Variants in HORMAD2 observed in about 807,000 individuals in gnomAD.
HORMAD2 encodes HORMA domain containing 2.
Under a neutral mutation model 38.8 loss-of-function variants are expected in HORMAD2, and 45 were observed. That is an observed-to-expected ratio of 1.16 (90% CI 0.91 to 1.49). The LOEUF (loss-of-function observed/expected upper bound fraction) is 1.49, where lower values mean the gene tolerates loss of function less well. HORMAD2 is among the 40% of genes most tolerant of loss of function. The probability of loss-of-function intolerance (pLI) is 0.00; values close to 1 mark genes in which losing one functional copy is unlikely to be tolerated. For synonymous variants in HORMAD2, 126 were observed against 122.8 expected (o/e 1.03, Z -0.17); for missense variants, 338 against 367.0 (o/e 0.92, Z 0.65).
At chr22:30,177,414 C>T (rs746852567), downstream of HORMAD2, among the ~76,000 whole-genome samples, 41 of 152,168 alleles carry the variant, frequency 2.7e-4, no homozygotes, top group Non-Finnish European at 4.1e-4. Flanking sequence ...GGGCAGCCTA[C>T]CAAACTGGGG....
chr22:30,164,883 T>C (rs1288394151), intron 10 of HORMAD2, among the ~76,000 whole-genome samples: 1 of 152,218 alleles, frequency 6.6e-6, no homozygotes, highest in Non-Finnish European at 1.5e-5. Flanking sequence ...TTTGCAAATA[T>C]TTTCTCTCAT....
intron 5 of HORMAD2, chr22:30,105,072 A>G: frequency 6.3e-6 from 1 of 157,900 alleles, no homozygotes; most frequent in Non-Finnish European, 1.4e-5. Context: ...TTATGAACAG[A>G]GGGCAGGGCA....
intron 10 of HORMAD2, chr22:30,137,021 A>G (rs1473300823): frequency 4.6e-6 from 2 of 436,432 alleles, no homozygotes; most frequent in Non-Finnish European, 8.3e-6. Flanking sequence ...TCCATGTGTA[A>G]TTGTTGCATT....
chr22:30,099,290 GCTACGTTGTGC>G lies in HORMAD2; in HGVS notation c.193+300_193+310del, dbSNP rs778497598. On this transcript the variant is annotated intron_variant, in intron 3 of 10. Transcript: ENST00000336726. ...ATCTATTTGAATGCTGTAGATTTGCGCTACGTTGTGCCTCAATTGAATTTATTCTTTAAGGT... is the reference window on the plus strand; with the variant it reads ...ATCTATTTGAATGCTGTAGATTTGCGCTCAATTGAATTTATTCTTTAAGGT... 2.9e-4 allele frequency among the ~76,000 whole-genome samples: 44 copies of G among 152,314 alleles called. 1 individual carries two copies. The Middle Eastern group carries it at 0.02, about 71-fold the overall frequency.
At position 30,153,613 on chromosome 22, in the gene HORMAD2, A is replaced by G. The variant is rs541227854; in HGVS notation, c.820-22450A>G. Reference sequence around the variant, plus strand: ...TATCCATTTTGCAAGAGAATTGTCTATGCTTCCTGTGTCCAATTCCCTGCT... The same window carrying G: ...TATCCATTTTGCAAGAGAATTGTCTGTGCTTCCTGTGTCCAATTCCCTGCT... On this transcript the variant is annotated intron_variant, in intron 10 of 10. Coordinates refer to ENST00000336726, the MANE Select transcript of HORMAD2 (RefSeq NM_152510.4). Among the ~76,000 whole-genome samples, 12 of 152,216 alleles carry G rather than the reference A, an allele frequency of 7.9e-5. 1 individual carries two copies. In the South Asian group the frequency reaches 8.3e-4, roughly 11 times the overall value.
chr22:30,163,492 T>G (rs1925582077), intron 10 of HORMAD2, among the ~76,000 whole-genome samples: 1 of 152,244 alleles, frequency 6.6e-6, no homozygotes, highest in African/African-American at 2.4e-5. Flanking sequence ...TGGCACAATC[T>G]TGGCTCACCT....
intron 10 of HORMAD2, among the ~76,000 whole-genome samples, chr22:30,134,253 G>A (rs1418070598): frequency 6.6e-6 from 1 of 151,664 alleles, no homozygotes; most frequent in East Asian, 1.9e-4. Flanking sequence ...CAAAAAATTA[G>A]CCAGGCATTG....
chr22:30,153,889 T>C (rs1449941076), intron 10 of HORMAD2, among the ~76,000 whole-genome samples: 1 of 152,202 alleles, frequency 6.6e-6, no homozygotes, highest in African/African-American at 2.4e-5. Flanking sequence ...ATCTGGCCAC[T>C]TCTCACTATC....
At chr22:30,184,582 T>A in the HORMAD2 span, 2 of 152,152 alleles carry the variant, frequency 1.3e-5, no homozygotes, top group African/African-American at 4.8e-5. Context: ...AAGAAAATAG[T>A]TGTCCTCAGT....
At chr22:30,174,407 T>G (rs1408078208) in intron 10 of HORMAD2, among the ~76,000 whole-genome samples, 1 of 152,162 alleles carries the variant, frequency 6.6e-6, no homozygotes, top group Non-Finnish European at 1.5e-5. Flanking sequence ...TATATGTTAT[T>G]TGTCTATGTT....
chr22:30,123,037 C>T (rs1026069981), intron 10 of HORMAD2, among the ~76,000 whole-genome samples: 2 of 152,192 alleles, frequency 1.3e-5, no homozygotes, highest in African/African-American at 4.8e-5. Context: ...AGATAGGTGA[C>T]TGTACTAGGT....
At chr22:30,120,083 A>G (rs546083628) in intron 8 of HORMAD2, among the ~76,000 whole-genome samples, 1 of 152,362 alleles carries the variant, frequency 6.6e-6, no homozygotes, top group Admixed American at 6.5e-5. Context: ...TGATGGCCAG[A>G]TTAAACTCTT....
At chr22:30,174,627 G>C (rs772131171) in intron 10 of HORMAD2, among the ~76,000 whole-genome samples, 1 of 152,104 alleles carries the variant, frequency 6.6e-6, no homozygotes, top group African/African-American at 2.4e-5. Flanking sequence ...TAAACCATCA[G>C]GTCAACTGGT....
At chr22:30,162,105 C>T (rs925064894) in intron 10 of HORMAD2, among the ~76,000 whole-genome samples, 5 of 152,040 alleles carry the variant, frequency 3.3e-5, no homozygotes, top group Non-Finnish European at 5.9e-5. Flanking sequence ...TTTAGCCCAG[C>T]AGTTTGAGAC....
At chr22:30,145,573 G>A (rs1924363313) in intron 10 of HORMAD2, among the ~76,000 whole-genome samples, 1 of 152,088 alleles carries the variant, frequency 6.6e-6, no homozygotes, top group African/African-American at 2.4e-5. Flanking sequence ...CACTGGATGG[G>A]TTTAACAGCA....
At chr22:30,093,863 G>A (rs2146074681) in intron 1 of HORMAD2, 53 bp from the exon 2 acceptor site, 1 of 862,258 alleles carries the variant, frequency 1.2e-6, no homozygotes, top group South Asian at 1.8e-5. Context: ...CAGAGTAAGA[G>A]AGGAAGCATT....
intron 10 of HORMAD2, among the ~76,000 whole-genome samples, chr22:30,158,684 TTTC>T (rs1925259696): frequency 6.9e-6 from 1 of 144,046 alleles, no homozygotes; most frequent in Non-Finnish European, 1.5e-5. Flanking sequence ...CCCTTCTCTC[TTTC>T]TCTTTCTTTC....
chr22:30,111,311 C>G (rs1921633977), intron 5 of HORMAD2, among the ~76,000 whole-genome samples: 1 of 151,984 alleles, frequency 6.6e-6, no homozygotes, highest in Admixed American at 6.6e-5. Context: ...CATGGCAAAA[C>G]CCCATCTCTA....
intron 1 of HORMAD2, among the ~76,000 whole-genome samples, chr22:30,087,722 G>GA (rs761702466): frequency 1.4e-3 from 182 of 131,654 alleles, no homozygotes; most frequent in Non-Finnish European, 1.7e-3. Flanking sequence ...AGAGAGAGAG[G>GA]AAAAAAAAAA....
Sources: allele counts gnomAD v4.1 joint callset (sites outside exome capture counted in the v4.1 genomes callset), GRCh38; gene constraint gnomAD v4.1.1; transcripts MANE v1.5; gene names NCBI Gene and HGNC (gene_info 2026-07-23, HGNC 2026-07-21).